PPP1R9A: variants seen among roughly 807,000 people sequenced by gnomAD.
PPP1R9A encodes neurabin-1.
Under a neutral mutation model 141.9 loss-of-function variants are expected in PPP1R9A, and 59 were observed. That is an observed-to-expected ratio of 0.42 (90% CI 0.34 to 0.52). The LOEUF (loss-of-function observed/expected upper bound fraction) is 0.52. Among genes scored for constraint, PPP1R9A ranks in the 20% least tolerant of loss-of-function variants. The pLI is 0.10. For missense variants in PPP1R9A, 1,444 were observed against 1,611.9 expected (o/e 0.90, Z 1.78); for synonymous variants, 500 against 569.7 (o/e 0.88, Z 1.74).
chr7:94,992,623 C>T (rs1029684324), intron 2 of PPP1R9A, among the ~76,000 whole-genome samples: 1 of 152,130 alleles, frequency 6.6e-6, no homozygotes, highest in African/African-American at 2.4e-5. Context: ...TACATCCATG[C>T]CAGCACTTGG....
At chr7:95,118,939 G>T (rs139459081) in intron 3 of PPP1R9A, among the ~76,000 whole-genome samples, 1 of 150,416 alleles carries the variant, frequency 6.6e-6, no homozygotes, top group African/African-American at 2.4e-5. Flanking sequence ...CCATGATGGC[G>T]CCACTGCACT....
chr7:95,195,016 A>G (rs1836034934), intron 5 of PPP1R9A, among the ~76,000 whole-genome samples: 3 of 152,140 alleles, frequency 2.0e-5, no homozygotes, highest in Admixed American at 1.3e-4. Flanking sequence ...ACAGAGTTAG[A>G]AAACTCACAC....
intron 7 of PPP1R9A, among the ~76,000 whole-genome samples, chr7:95,219,988 A>C (rs1216001007): frequency 6.6e-6 from 1 of 152,140 alleles, no homozygotes; most frequent in Non-Finnish European, 1.5e-5. Context: ...TATTCTAGGC[A>C]CTGTGGTTAA....
intron 5 of PPP1R9A, among the ~76,000 whole-genome samples, chr7:95,187,349 A>AT (rs1834799320): frequency 6.6e-6 from 1 of 151,948 alleles, no homozygotes; most frequent in Non-Finnish European, 1.5e-5. Context: ...TTTCTGTGGT[A>AT]TTGGTTGCAG....
chr7:95,221,431 A>G (rs1383468017), intron 7 of PPP1R9A, among the ~76,000 whole-genome samples: 1 of 151,808 alleles, frequency 6.6e-6, no homozygotes, highest in Non-Finnish European at 1.5e-5. Flanking sequence ...TATAACAGAT[A>G]CTCTCTGTTC....
At position 94,989,186 on chromosome 7, in the gene PPP1R9A, C is replaced by A. The variant is rs866887211; in HGVS notation, c.1395+77678C>A. On this transcript the variant is annotated intron_variant, in intron 2 of 19. Coordinates refer to ENST00000433360, the MANE Select transcript of PPP1R9A (RefSeq NM_001166160.2). ...TTTTAGAACCATATGTGAAAAAAAA[C>A]CCCACTGACTTAGGGTTTCAAAGAG... 5.3e-5 allele frequency among the ~76,000 whole-genome samples: 8 copies of A among 151,948 alleles called. No individual in the cohort carries two copies. The Middle Eastern group carries it at 0.01, about 194-fold the overall frequency.
chr7:95,166,075 G>T (rs527690055), intron 5 of PPP1R9A, among the ~76,000 whole-genome samples: 2 of 151,598 alleles, frequency 1.3e-5, no homozygotes, highest in Non-Finnish European at 2.9e-5. Flanking sequence ...CTTGAACCTG[G>T]GAGGCAGAGG....
At chr7:95,088,007 G>A (rs1049163974) in intron 2 of PPP1R9A, among the ~76,000 whole-genome samples, 3 of 151,660 alleles carry the variant, frequency 2.0e-5, no homozygotes, top group Non-Finnish European at 4.4e-5. Flanking sequence ...GTGTGTCAGA[G>A]AGAAGATGGG....
chr7:95,066,468 G>A (rs1398219035), intron 2 of PPP1R9A, among the ~76,000 whole-genome samples: 3 of 152,118 alleles, frequency 2.0e-5, no homozygotes, highest in African/African-American at 7.2e-5. Context: ...GAGTAGAAGA[G>A]AATGGAGATA....
At chr7:95,066,098 C>T (rs936017081) in intron 2 of PPP1R9A, among the ~76,000 whole-genome samples, 2 of 152,080 alleles carry the variant, frequency 1.3e-5, no homozygotes, top group African/African-American at 2.4e-5. Context: ...AATTTGGACA[C>T]GGTGAAGTTA....
At chr7:95,027,256 C>G (rs938314889) in intron 2 of PPP1R9A, among the ~76,000 whole-genome samples, 1 of 152,158 alleles carries the variant, frequency 6.6e-6, no homozygotes, top group Admixed American at 6.5e-5. Flanking sequence ...TTGCAAAGAC[C>G]GTGGGAAAAG....
At chr7:95,110,057 G>A (rs1188473917) in intron 2 of PPP1R9A, among the ~76,000 whole-genome samples, 1 of 151,986 alleles carries the variant, frequency 6.6e-6, no homozygotes, top group Non-Finnish European at 1.5e-5. Context: ...AAGTCAAGAA[G>A]AAAACAGTAC....
chr7:95,105,553 G>A (rs1171603920), intron 2 of PPP1R9A, among the ~76,000 whole-genome samples: 10 of 152,194 alleles, frequency 6.6e-5, no homozygotes, highest in African/African-American at 2.2e-4. Context: ...CAATGTGAAG[G>A]TAGCTTGAAC....
chr7:95,222,608 C>A (rs1313616348), intron 7 of PPP1R9A, among the ~76,000 whole-genome samples: 1 of 152,012 alleles, frequency 6.6e-6, no homozygotes, highest in Non-Finnish European at 1.5e-5. Context: ...AAAACTGTTA[C>A]TGCCACATTT....
At chr7:94,919,421 A>G (rs1328713137) in intron 2 of PPP1R9A, among the ~76,000 whole-genome samples, 5 of 147,048 alleles carry the variant, frequency 3.4e-5, no homozygotes, top group African/African-American at 1.3e-4. Context: ...CTGGGATTGT[A>G]GGTGTGAGCC....
chr7:95,204,052 T>C (rs535588726), intron 7 of PPP1R9A, among the ~76,000 whole-genome samples: 1 of 152,350 alleles, frequency 6.6e-6, no homozygotes, highest in South Asian at 2.1e-4. Flanking sequence ...GTCTGTATGA[T>C]GTTTACACAG....
At chr7:95,127,702 T>C (rs1041050252) in intron 4 of PPP1R9A, among the ~76,000 whole-genome samples, 1 of 152,140 alleles carries the variant, frequency 6.6e-6, no homozygotes, top group African/African-American at 2.4e-5. Flanking sequence ...CCAGTTTCGC[T>C]TGTTGCCATC....
intron 2 of PPP1R9A, among the ~76,000 whole-genome samples, chr7:94,916,174 G>C (rs1792053403): frequency 6.6e-6 from 1 of 152,108 alleles, no homozygotes; most frequent in Admixed American, 6.5e-5. Flanking sequence ...TGTCTCATAA[G>C]TTGTTAGTTT....
chr7:94,928,373 T>C (rs1273451659), intron 2 of PPP1R9A, among the ~76,000 whole-genome samples: 1 of 152,196 alleles, frequency 6.6e-6, no homozygotes, highest in Non-Finnish European at 1.5e-5. Context: ...GATGACATCA[T>C]CACTTTGCTA....
Sources: gnomAD v4.1 joint callset for allele counts (sites outside exome capture counted in the v4.1 genomes callset) on GRCh38, gnomAD v4.1.1 for gene constraint, MANE v1.5 for transcripts, NCBI Gene and HGNC (gene_info 2026-07-23, HGNC 2026-07-21) for gene names.